The following ACSBG1 variants were observed in gnomAD, a reference collection of about 807,000 sequenced individuals.
ACSBG1 encodes the protein acyl-CoA synthetase bubblegum family member 1, also known as long-chain-fatty-acid--CoA ligase ACSBG1.
In ACSBG1, 39 loss-of-function variants were observed where a neutral mutation model predicts 80.2. The observed-to-expected ratio is 0.49, with a 90% CI of 0.38 to 0.64. The LOEUF (loss-of-function observed/expected upper bound fraction) is 0.64. Among genes scored for constraint, ACSBG1 ranks in the 30% least tolerant of loss-of-function variants. The probability of loss-of-function intolerance (pLI) is 0.00; values close to 1 mark genes in which losing one functional copy is unlikely to be tolerated. For synonymous variants in ACSBG1, 392 were observed against 379.5 expected, an observed-to-expected ratio of 1.03 and a Z score of -0.38; for missense variants, 828 against 966.4, an observed-to-expected ratio of 0.86 and a Z score of 1.90.
chr15:78,199,487 T>C (rs2075146354), intron 2 of ACSBG1, among the ~76,000 whole-genome samples: 2 of 151,962 alleles, frequency 1.3e-5, no homozygotes, highest in South Asian at 4.1e-4. Flanking sequence ...AGGCCAAAAG[T>C]TGCAGACAGC....
chr15:78,171,597 A>C, intron 13 of ACSBG1, 68 bp from the exon 14 acceptor site: 2 of 1,295,604 alleles, frequency 1.5e-6, no homozygotes, highest in Non-Finnish European at 2.2e-6. Flanking sequence ...TGTGTGGTAA[A>C]GACTCACACT....
intron 5 of ACSBG1, among the ~76,000 whole-genome samples, chr15:78,191,255 C>T (rs1047485908): frequency 1.3e-5 from 2 of 152,164 alleles, no homozygotes; most frequent in African/African-American, 4.8e-5. Context: ...CTCCAAAATA[C>T]ATAAAGCAAA....
rs570918642 is a variant in ACSBG1, at chr15:78,231,196, C to T, written c.131+3175G>A. 4.6e-5 allele frequency among the ~76,000 whole-genome samples: 7 copies of T among 152,254 alleles called. No individual in the cohort carries two copies. In the South Asian group the frequency reaches 6.2e-4, roughly 14 times the overall value. On this transcript the variant is annotated intron_variant, in intron 1 of 13. Transcript: ENST00000258873. ...AGTGCAATGGCACGATCTCAGCTCA[C>T]GGCAACCTCTGCCTCCCAGATTCAA...
rs1385855454 is a variant in ACSBG1 at position 78,169,850 on chromosome 15, ATTC to A, written c.*1591_*1593del. The stretch of plus-strand genomic sequence containing the variant: ...GAAGGGCTGAGTGTATTGTAAACTT[ATTC>A]TTGCATGTTGCTGTCTGGGAATGGA... On this transcript the variant is annotated 3_prime_UTR_variant, in exon 14 of 14. Transcript: ENST00000258873. 1 of 152,194 alleles carries A rather than the reference ATTC, an allele frequency of 6.6e-6. No homozygotes were observed. Among genetic ancestry groups the A allele is most frequent in the Non-Finnish European group, 1.5e-5 (1 of 68,042 alleles). 9.4% of individuals were successfully genotyped at this position (152,194 alleles called of 1,614,324 possible). A position where few individuals can be genotyped will look rare whatever the true frequency, so the allele number is the denominator to read the frequency against.
intron 3 of ACSBG1, among the ~76,000 whole-genome samples, 168 bp downstream of exon 3, chr15:78,194,338 A>G (rs1296759617): frequency 1.3e-5 from 2 of 152,254 alleles, no homozygotes; most frequent in Non-Finnish European, 2.9e-5. Context: ...ATAAAAGCTC[A>G]GTACGGGGCC....
At chr15:78,214,740 C>T (rs2075294171) in intron 1 of ACSBG1, among the ~76,000 whole-genome samples, 1 of 152,128 alleles carries the variant, frequency 6.6e-6, no homozygotes, top group Admixed American at 6.5e-5. Flanking sequence ...TGCGCCCAGC[C>T]TCAGCCCTAA....
intron 1 of ACSBG1, chr15:78,212,536 C>T (rs1388933227): frequency 2.2e-6 from 1 of 455,730 alleles, no homozygotes; most frequent in Admixed American, 2.4e-5. Context: ...AAGGTGGGCT[C>T]CTTGTTCCTT....
chr15:78,227,218 CAAAAAA>C (rs56011241), intron 1 of ACSBG1, among the ~76,000 whole-genome samples: 44 of 53,778 alleles, frequency 8.2e-4, no homozygotes, highest in South Asian at 2.0e-3. Context: ...GACCCTGTCT[CAAAAAA>C]AAAAAAAAAA....
chr15:78,224,442 G>A (rs190046141), intron 1 of ACSBG1, among the ~76,000 whole-genome samples: 23 of 152,258 alleles, frequency 1.5e-4, no homozygotes, highest in East Asian at 1.9e-4. Flanking sequence ...AAGCTGGGCC[G>A]GGCGTGGTGG....
intron 1 of ACSBG1, among the ~76,000 whole-genome samples, chr15:78,231,426 C>T (rs1595909739): frequency 6.6e-6 from 1 of 151,346 alleles, no homozygotes; most frequent in Middle Eastern, 3.4e-3. Flanking sequence ...CCACTGTGCT[C>T]AGCTTTTTTG....
chr15:78,176,102 C>T (rs1022960864), intron 11 of ACSBG1, among the ~76,000 whole-genome samples: 2 of 152,064 alleles, frequency 1.3e-5, no homozygotes, highest in African/African-American at 4.8e-5. Flanking sequence ...GAGACAGGAT[C>T]TCACTATGTT....
At position 78,234,381 on chromosome 15, in the gene ACSBG1, A is replaced by G. The variant is rs1357892694; in HGVS notation, c.121T>C (p.Leu41=). The part of the protein sequence containing the change: ...DMIVRTTQEK[L]KTSSLTDRQP... The stretch of plus-strand genomic sequence containing the variant: ...CAACCAATGACTTACCTGGTTTTCA[A>G]TTTTTCTTGGGTGGTCCTCACAATC... The change falls in exon 1 of 14, where the codon TTG becomes CTG. Residue 41 remains leucine (L), a synonymous_variant. Coordinates refer to ENST00000258873, the MANE Select transcript of ACSBG1 (RefSeq NM_015162.5). 6 of 1,611,318 alleles carry G rather than the reference A, an allele frequency of 3.7e-6. No individual in the cohort carries two copies. Among genetic ancestry groups the G allele is most frequent in the Admixed American group, 3.3e-5 (2 of 60,028 alleles).
intron 4 of ACSBG1, 56 bp from the exon 5 acceptor site, chr15:78,193,682 T>TGCCCCCCCCCCCCCAACAGGAGCC: frequency 6.4e-7 from 1 of 1,560,280 alleles, no homozygotes; most frequent in Non-Finnish European, 8.7e-7. Context: ...GCCACCCCCT[T>TGCCCCCCCCCCCCCAACAGGAGCC]CCCCCACCCC....
intron 2 of ACSBG1, among the ~76,000 whole-genome samples, chr15:78,205,834 T>G (rs986455661): frequency 1.3e-5 from 2 of 152,152 alleles, no homozygotes; most frequent in Non-Finnish European, 2.9e-5. Flanking sequence ...AAAGGGCAGC[T>G]TCAAGACCCC....
chr15:78,209,134 G>A (rs753543751), intron 1 of ACSBG1: 29 of 455,810 alleles, frequency 6.4e-5, no homozygotes, highest in Middle Eastern at 3.3e-4. Flanking sequence ...CCAGGAAGCC[G>A]GGCCAATTAC....
chr15:78,186,597 C>G (rs1277390092), intron 5 of ACSBG1, among the ~76,000 whole-genome samples: 1 of 152,056 alleles, frequency 6.6e-6, no homozygotes, highest in African/African-American at 2.4e-5. Flanking sequence ...GAAACAAAGG[C>G]AGAAATAAAG....
chr15:78,193,350 C>T (rs1567086124), intron 5 of ACSBG1, among the ~76,000 whole-genome samples, 156 bp downstream of exon 5: 1 of 152,218 alleles, frequency 6.6e-6, no homozygotes, highest in Non-Finnish European at 1.5e-5. Context: ...GGTAAGTAGC[C>T]GTTGCCCTGC....
chr15:78,233,098 G>C (rs561552130), intron 1 of ACSBG1, among the ~76,000 whole-genome samples: 12 of 152,306 alleles, frequency 7.9e-5, no homozygotes, highest in African/African-American at 2.6e-4. Flanking sequence ...AGGAGATCCT[G>C]AATCTGCCCT....
chr15:78,222,297 G>C (rs2075365416), intron 1 of ACSBG1, among the ~76,000 whole-genome samples: 1 of 152,208 alleles, frequency 6.6e-6, no homozygotes, highest in Non-Finnish European at 1.5e-5. Context: ...GGGCTAGGGG[G>C]ATTGAGGAGA....
Sources: gnomAD v4.1 joint callset for allele counts (sites outside exome capture counted in the v4.1 genomes callset) on GRCh38, gnomAD v4.1.1 for gene constraint, MANE v1.5 for transcripts, NCBI Gene and HGNC (gene_info 2026-07-23, HGNC 2026-07-21) for gene names.